FER: variants seen among roughly 807,000 people sequenced by gnomAD.
FER encodes FER tyrosine kinase, also known as tyrosine-protein kinase Fer.
A neutral mutation model predicts 111.0 loss-of-function variants in FER; 63 were observed. That is an observed-to-expected ratio of 0.57 (90% confidence interval 0.46 to 0.70). FER has a LOEUF of 0.70. Ranked by LOEUF, FER falls within the 30% of genes least tolerant of loss-of-function variation. FER has a pLI of 0.00. For synonymous variants in FER, 327 were observed against 313.9 expected (o/e 1.04, Z -0.44); for missense variants, 914 against 954.0 (o/e 0.96, Z 0.55).
Position 109,189,322 on chromosome 5 carries a change from T to G in FER, c.*1747T>G, listed in dbSNP as rs1277155200. On this transcript the variant is annotated 3_prime_UTR_variant, in exon 20 of 20. Transcript: ENST00000281092. ...GCCTGTGTCCTGGTAAACATTACCT[T>G]AGTGATTATTTGGTCTGCATTCATT... 6.6e-6 allele frequency: 1 copy of G among 152,214 alleles called. No homozygotes were observed. Among genetic ancestry groups the G allele is most frequent in the Admixed American group, 6.5e-5 (1 of 15,290 alleles). The allele number at this position is 152,214 out of a possible 1,614,324, so 9.4% of individuals were successfully genotyped here.
intron 15 of FER, 137 bp downstream of exon 15, chr5:109,044,932 T>C: frequency 2.0e-6 from 1 of 492,346 alleles, no homozygotes; most frequent in Non-Finnish European, 3.6e-6. Flanking sequence ...TCCAAAAATT[T>C]GTGCTTTTGT....
chr5:109,044,149 T>C (rs1771599492), intron 14 of FER, among the ~76,000 whole-genome samples: 1 of 151,756 alleles, frequency 6.6e-6, no homozygotes, highest in South Asian at 2.1e-4. Flanking sequence ...CAAAATGTCA[T>C]CTCTTCTAAA....
At chr5:108,801,516 G>T (rs989351093) in intron 3 of FER, among the ~76,000 whole-genome samples, 5 of 152,166 alleles carry the variant, frequency 3.3e-5, no homozygotes, top group African/African-American at 1.2e-4. Context: ...GTCCATTGTT[G>T]TCCATCAGAA....
chr5:108,927,000 A>G (rs919799507), intron 10 of FER, among the ~76,000 whole-genome samples: 16 of 152,106 alleles, frequency 1.1e-4, no homozygotes, highest in African/African-American at 3.9e-4. Flanking sequence ...CTGGTAAGCC[A>G]TAGCCCCTCA....
At chr5:109,139,839 A>G (rs1753330131) in intron 17 of FER, among the ~76,000 whole-genome samples, 1 of 134,454 alleles carries the variant, frequency 7.4e-6, no homozygotes, top group Non-Finnish European at 1.7e-5. Flanking sequence ...ATTGGTTAGG[A>G]AGATGGGCAG....
chr5:108,824,931 G>A (rs1759293579), intron 3 of FER, among the ~76,000 whole-genome samples: 1 of 132,652 alleles, frequency 7.5e-6, no homozygotes, highest in Admixed American at 7.1e-5. Flanking sequence ...TCACACATTG[G>A]TAGGATCTGT....
chr5:108,910,112 A>G (rs1040037752), intron 10 of FER, among the ~76,000 whole-genome samples: 6 of 152,154 alleles, frequency 3.9e-5, no homozygotes, highest in East Asian at 1.9e-4. Context: ...TAATGCACCA[A>G]TTAAAAATGG....
At chr5:109,079,806 T>C (rs891806110) in intron 16 of FER, among the ~76,000 whole-genome samples, 3 of 152,128 alleles carry the variant, frequency 2.0e-5, no homozygotes, top group African/African-American at 7.2e-5. Context: ...TGCCCTGCAA[T>C]GTAGCTGTCA....
At chr5:109,117,600 G>C (rs1434892024) in intron 17 of FER, among the ~76,000 whole-genome samples, 2 of 152,108 alleles carry the variant, frequency 1.3e-5, no homozygotes, top group African/African-American at 2.4e-5. Flanking sequence ...ACCTTGGACA[G>C]TATGGCCATT....
At chr5:108,829,440 C>A (rs1759807558) in intron 3 of FER, among the ~76,000 whole-genome samples, 1 of 152,108 alleles carries the variant, frequency 6.6e-6, no homozygotes, top group Non-Finnish European at 1.5e-5. Context: ...GAGTTTAAGA[C>A]CACCCTGAAC....
At chr5:108,851,809 A>G (rs1762570483) in intron 5 of FER, among the ~76,000 whole-genome samples, 1 of 152,168 alleles carries the variant, frequency 6.6e-6, no homozygotes, top group African/African-American at 2.4e-5. Flanking sequence ...CTAGGGTTTT[A>G]TGTTTACCAA....
chr5:109,187,789 G>C lies in FER; in HGVS notation c.*214G>C. 1.8e-6 allele frequency: 1 copy of C among 563,636 alleles called. No homozygotes were observed. The highest frequency in any genetic ancestry group is 3.1e-6 in the Non-Finnish European group (1 of 321,562). The allele number at this position is 563,636 out of a possible 1,614,324, so 34.9% of individuals were successfully genotyped here. A position where few individuals can be genotyped will look rare whatever the true frequency, so the allele number is the denominator to read the frequency against. On this transcript the variant is annotated 3_prime_UTR_variant, in exon 20 of 20. Transcript: ENST00000281092. The stretch of plus-strand genomic sequence containing the variant: ...GGCAGTCCTACCAAGGGCTTTCTTA[G>C]CTAACCATAGCAATCCTACCATTTC...
rs1759100200 is a variant in FER, at chr5:109,188,305, T to G, written c.*730T>G. ...CCACAGTGCCCAGCCCCCTCCCTCC[T>G]TTGGGAGGCTGAGGCAGGCGGATCA... On this transcript the variant is annotated 3_prime_UTR_variant, in exon 20 of 20. Transcript: ENST00000281092. The G allele has an allele frequency of 6.9e-6, 1 of 145,662 alleles. No individual in the cohort carries two copies. The highest frequency in any genetic ancestry group is 1.5e-5 in the Non-Finnish European group (1 of 66,446). The allele number at this position is 145,662 out of a possible 1,614,324, so 9.0% of individuals were successfully genotyped here.
At chr5:108,946,634 T>C (rs2149627747) in intron 11 of FER, among the ~76,000 whole-genome samples, 1 of 152,158 alleles carries the variant, frequency 6.6e-6, no homozygotes, top group Admixed American at 6.6e-5. Context: ...TATATTTATA[T>C]TTTAAAGAAC....
chr5:109,030,498 T>C (rs1038548837), intron 13 of FER, among the ~76,000 whole-genome samples: 4 of 152,218 alleles, frequency 2.6e-5, no homozygotes, highest in African/African-American at 9.6e-5. Flanking sequence ...CTGCTTTAAA[T>C]GGTTTCAATG....
intron 16 of FER, among the ~76,000 whole-genome samples, chr5:109,097,781 T>G (rs1402031619): frequency 6.6e-6 from 1 of 151,718 alleles, no homozygotes; most frequent in Non-Finnish European, 1.5e-5. Context: ...TCCTGGGGAG[T>G]TTATTTCTTG....
intron 16 of FER, among the ~76,000 whole-genome samples, chr5:109,085,721 CTAT>C (rs2150031012): frequency 6.6e-6 from 1 of 151,658 alleles, no homozygotes; most frequent in Admixed American, 6.6e-5. Context: ...CTAGGAAGTT[CTAT>C]TCTTTCCCTA....
chr5:108,891,996 C>A (rs1013152609), intron 9 of FER, among the ~76,000 whole-genome samples: 1 of 152,154 alleles, frequency 6.6e-6, no homozygotes, highest in Non-Finnish European at 1.5e-5. Flanking sequence ...GACATGAACT[C>A]ATCCTTTTTT....
intron 13 of FER, among the ~76,000 whole-genome samples, chr5:108,994,335 C>G (rs549395900): frequency 1.3e-5 from 2 of 152,284 alleles, no homozygotes; most frequent in Non-Finnish European, 2.9e-5. Context: ...TATGGCTAGC[C>G]AGTTCTCCCA....
Sources: gnomAD v4.1 joint callset for allele counts (sites outside exome capture counted in the v4.1 genomes callset) on GRCh38, gnomAD v4.1.1 for gene constraint, MANE v1.5 for transcripts, NCBI Gene and HGNC (gene_info 2026-07-23, HGNC 2026-07-21) for gene names.